CCDC88C: variants seen among roughly 807,000 people sequenced by gnomAD.
The protein encoded by CCDC88C is coiled-coil and HOOK domain protein 88C.
A neutral mutation model predicts 198.8 loss-of-function variants in CCDC88C; 131 were observed. That is an observed-to-expected ratio of 0.66 (90% CI 0.57 to 0.76). The LOEUF is 0.76. Among genes scored for constraint, CCDC88C ranks in the 30% least tolerant of loss-of-function variants. The probability of loss-of-function intolerance (pLI) is 0.00; values close to 1 mark genes in which losing one functional copy is unlikely to be tolerated. For missense variants in CCDC88C, 2,553 were observed against 2,631.6 expected (o/e 0.97, Z 0.65); for synonymous variants, 1,166 against 1,114.7 (o/e 1.05, Z -0.92).
chr14:91,286,129 G>C (rs1428418720), intron 25 of CCDC88C, among the ~76,000 whole-genome samples: 4 of 152,126 alleles, frequency 2.6e-5, no homozygotes, highest in Non-Finnish European at 5.9e-5. Flanking sequence ...TGGTCTGGAT[G>C]ATTTTTCGGT....
intron 16 of CCDC88C, among the ~76,000 whole-genome samples, chr14:91,309,099 C>T (rs1038723658): frequency 6.6e-6 from 1 of 152,116 alleles, no homozygotes; most frequent in African/African-American, 2.4e-5. Flanking sequence ...CATGGTGATG[C>T]ATGTCTGTAA....
intron 5 of CCDC88C, among the ~76,000 whole-genome samples, chr14:91,342,689 C>G (rs114825412): frequency 0.026 from 3,942 of 152,284 alleles, 177 homozygotes; most frequent in African/African-American, 0.088. Flanking sequence ...TTAAAACTCC[C>G]ATCCGTAAGC....
intron 4 of CCDC88C, among the ~76,000 whole-genome samples, chr14:91,355,585 G>C (rs113911925): frequency 6.6e-6 from 1 of 152,190 alleles, no homozygotes; most frequent in African/African-American, 2.4e-5. Flanking sequence ...CAGACACAGC[G>C]TAAGGGAGTG....
chr14:91,404,798 CTA>C (rs1184018224), intron 3 of CCDC88C, among the ~76,000 whole-genome samples: 1 of 151,842 alleles, frequency 6.6e-6, no homozygotes, highest in African/African-American at 2.4e-5. Flanking sequence ...CCCGTCTCTA[CTA>C]AAAATACAAA....
chr14:91,285,284 C>CTG (rs1402555467), intron 25 of CCDC88C: 2 of 313,510 alleles, frequency 6.4e-6, no homozygotes, highest in Non-Finnish European at 1.3e-5. Context: ...TTGACAGAGG[C>CTG]TGTACATTTT....
At chr14:91,323,670 C>T (rs1232180827) in intron 12 of CCDC88C, among the ~76,000 whole-genome samples, 3 of 152,334 alleles carry the variant, frequency 2.0e-5, no homozygotes, top group East Asian at 3.9e-4. Context: ...TGGTCTAAAT[C>T]GGTGAGGCCT....
chr14:91,275,871 G>A lies in CCDC88C; in HGVS notation c.5058+2051C>T, dbSNP rs1274311629. 2.2e-5 allele frequency among the ~76,000 whole-genome samples: 3 copies of A among 133,558 alleles called. No individual in the cohort carries two copies. The Admixed American group carries it at 2.5e-4, about 11-fold the overall frequency. The allele number at this position is 133,558 out of a possible 152,430, so 87.6% of individuals were successfully genotyped here. On this transcript the variant is annotated intron_variant, in intron 29 of 29. Coordinates refer to ENST00000389857, the MANE Select transcript of CCDC88C (RefSeq NM_001080414.4). ...GAGTTTCGCTCTGTCGCCCAGGCTG[G>A]AGTGCAGTGGCGCGATCTCGACTCA... is the stretch of plus-strand genomic sequence containing the variant.
chr14:91,369,622 G>T (rs1379773950), intron 3 of CCDC88C, among the ~76,000 whole-genome samples: 2 of 152,136 alleles, frequency 1.3e-5, no homozygotes, highest in African/African-American at 4.8e-5. Context: ...CTTGCTGCCT[G>T]CACAAAGCCC....
In CCDC88C at chr14:91,273,675, T is replaced by C. The variant is rs757330043; in HGVS notation, c.5059-22A>G. On this transcript the variant is annotated intron_variant, in intron 29 of 29. Coordinates refer to ENST00000389857, the MANE Select transcript of CCDC88C (RefSeq NM_001080414.4). This position sits in a 1 kb window ranked among gnomAD's most constrained non-coding sequence, Gnocchi z 5.6. ...TGTCCTACGGAGAAGAGAGTGAAGG[T>C]TGGAGGTGGGCATGAGGGTTGGGTG... is the stretch of plus-strand genomic sequence containing the variant. 3.5e-6 allele frequency: 5 copies of C among 1,441,176 alleles called. No homozygotes were observed. The African/African-American group carries it at 4.3e-5, about 13-fold the overall frequency. The allele number at this position is 1,441,176 out of a possible 1,614,324, so 89.3% of individuals were successfully genotyped here.
chr14:91,389,838 C>G (rs532567324), intron 3 of CCDC88C, among the ~76,000 whole-genome samples: 3 of 151,784 alleles, frequency 2.0e-5, no homozygotes, highest in African/African-American at 7.3e-5. Flanking sequence ...TTTGGGAGGC[C>G]GAGGCGGGCG....
chr14:91,305,948 G>A (rs1891538102), intron 18 of CCDC88C, 22 bp from the exon 19 acceptor site: 4 of 1,606,870 alleles, frequency 2.5e-6, no homozygotes, highest in Non-Finnish European at 3.4e-6. Flanking sequence ...GGAGGCATGA[G>A]CGAATCAAAC....
chr14:91,368,929 A>T (rs929477870), intron 3 of CCDC88C, among the ~76,000 whole-genome samples: 1 of 152,224 alleles, frequency 6.6e-6, no homozygotes, highest in African/African-American at 2.4e-5. Flanking sequence ...CCCCGTTACC[A>T]GAAACACCAG....
chr14:91,309,833 TG>T (rs1206524808), intron 16 of CCDC88C, 25 bp downstream of exon 16: 1 of 1,593,900 alleles, frequency 6.3e-7, no homozygotes, highest in African/African-American at 1.3e-5. Context: ...GCTCCCACGA[TG>T]GGGAGAGGGA....
chr14:91,401,710 G>A (rs1024250942), intron 3 of CCDC88C, among the ~76,000 whole-genome samples: 2 of 152,124 alleles, frequency 1.3e-5, no homozygotes, highest in Non-Finnish European at 2.9e-5. Context: ...AATAAAAAAT[G>A]TGGCCCTCCT....
intron 3 of CCDC88C, among the ~76,000 whole-genome samples, chr14:91,393,625 T>C (rs1463392567): frequency 6.6e-6 from 1 of 152,188 alleles, no homozygotes; most frequent in African/African-American, 2.4e-5. Flanking sequence ...CTCTGCAACT[T>C]AGTCCATTTC....
chr14:91,291,671 G>A (rs1222309294), intron 23 of CCDC88C, among the ~76,000 whole-genome samples: 2 of 152,074 alleles, frequency 1.3e-5, no homozygotes, highest in Non-Finnish European at 2.9e-5. Context: ...TGCCATCTCC[G>A]GCAGACCCTG....
chr14:91,336,326 A>C (rs1204514369), intron 10 of CCDC88C, among the ~76,000 whole-genome samples: 1 of 152,170 alleles, frequency 6.6e-6, no homozygotes, highest in Non-Finnish European at 1.5e-5. Flanking sequence ...GGATGCTCCC[A>C]CAAGGTCAGG....
chr14:91,303,569 A>C lies in CCDC88C; in HGVS notation c.3635+132T>G, dbSNP rs1596046106. On this transcript the variant is annotated intron_variant, in intron 20 of 29. Coordinates refer to ENST00000389857, the MANE Select transcript of CCDC88C (RefSeq NM_001080414.4). ...GTCCCACCCATCTCCTCCAGGCTCC[A>C]CCCATCTTCCCCAGGCCCTGCCTCT... 8 of 567,490 alleles carry C rather than the reference A, an allele frequency of 1.4e-5. No individual in the cohort carries two copies. In the African/African-American group the frequency reaches 1.7e-4, roughly 12 times the overall value. The allele number at this position is 567,490 out of a possible 1,614,324, so 35.2% of individuals were successfully genotyped here.
chr14:91,309,723 G>C, intron 16 of CCDC88C, 136 bp downstream of exon 16: 1 of 783,258 alleles, frequency 1.3e-6, no homozygotes, highest in Non-Finnish European at 1.8e-6. Context: ...AGGAACTTTG[G>C]GTTCAAGGAA....
Sources: gnomAD v4.1 joint callset for allele counts (sites outside exome capture counted in the v4.1 genomes callset) on GRCh38, gnomAD v4.1.1 for gene constraint, Gnocchi (gnomAD v3.1) non-coding constraint, MANE v1.5 for transcripts, NCBI Gene and HGNC (gene_info 2026-07-23, HGNC 2026-07-21) for gene names.